The following PSG2 variants were observed in gnomAD, a reference collection of about 807,000 sequenced individuals.
The protein encoded by PSG2 is pregnancy-specific beta-1-glycoprotein 2.
PSG2 carries 49 observed loss-of-function variants against 36.2 expected under a neutral mutation model. That is an observed-to-expected ratio of 1.35 (90% CI 1.08 to 1.72). The LOEUF (loss-of-function observed/expected upper bound fraction) is 1.72. PSG2 is among the 40% of genes most tolerant of loss of function. PSG2 has a pLI of 0.00. For missense variants in PSG2, 605 were observed against 407.2 expected, an observed-to-expected ratio of 1.49 and a Z score of -4.18; for synonymous variants, 261 against 155.6, an observed-to-expected ratio of 1.68 and a Z score of -5.04.
Position 43,073,735 on chromosome 19 carries a change from T to G in PSG2, c.709+1619A>C, listed in dbSNP as rs551433096. Among the ~76,000 whole-genome samples the G allele has an allele frequency of 2.2e-3, 327 of 151,432 alleles. 8 individuals are homozygous for G. Among genetic ancestry groups the G allele is most frequent in the African/African-American group, 7.5e-3 (309 of 40,970 alleles). On this transcript the variant is annotated intron_variant, in intron 3 of 5. Coordinates refer to ENST00000406487, the MANE Select transcript of PSG2 (RefSeq NM_031246.4). ...AGTTTCAGTTATGCAAGGTAGGGAGTTTCTAGAGATCTGCTGTAGAGCTTG... is the reference window on the plus strand; with the variant it reads ...AGTTTCAGTTATGCAAGGTAGGGAGGTTCTAGAGATCTGCTGTAGAGCTTG...
chr19:43,067,356 C>G lies in PSG2; in HGVS notation c.965-756G>C, dbSNP rs536641631. Among the ~76,000 whole-genome samples the G allele has an allele frequency of 6.7e-4, 102 of 151,256 alleles. 2 individuals carry two copies. Among genetic ancestry groups the G allele is most frequent in the Non-Finnish European group, 1.2e-3 (79 of 67,910 alleles). On this transcript the variant is annotated intron_variant, in intron 4 of 5. Coordinates refer to ENST00000406487, the MANE Select transcript of PSG2 (RefSeq NM_031246.4). ...ATCTCAGTTGGTAAATACTAACATACCAGGCTTGATTCTTTGCCCTTAGCT... is the reference window on the plus strand; with the variant it reads ...ATCTCAGTTGGTAAATACTAACATAGCAGGCTTGATTCTTTGCCCTTAGCT...
rs536986825 is a variant in PSG2 at position 43,079,549 on chromosome 19, A to G, written c.430+1332T>C. Among the ~76,000 whole-genome samples, 117 of 151,578 alleles carry G rather than the reference A, an allele frequency of 7.7e-4. 2 individuals carry two copies. The highest frequency in any genetic ancestry group is 4.2e-3 in the East Asian group (22 of 5,182). ...TGTGTCTCTCACTGGGCCTGTGCTG[A>G]TGCAGGGTGTGAGTGGGGAAAGAAA... On this transcript the variant is annotated intron_variant, in intron 2 of 5. Transcript: ENST00000406487.
intron 4 of PSG2, among the ~76,000 whole-genome samples, chr19:43,071,044 G>T (rs938109446): frequency 6.6e-6 from 1 of 151,590 alleles, no homozygotes. Context: ...TTAGGAGTCT[G>T]CCCTGAGGCT....
intron 3 of PSG2, among the ~76,000 whole-genome samples, chr19:43,074,212 A>C (rs1223073857): frequency 6.6e-6 from 1 of 151,522 alleles, no homozygotes; most frequent in Non-Finnish European, 1.5e-5. Flanking sequence ...TTTAGGACGG[A>C]GTTTTCTAAT....
chr19:43,065,946 G>A (rs141805699), intron 5 of PSG2: 1,850 of 153,932 alleles, frequency 0.012, 84 homozygotes, highest in African/African-American at 0.039. Flanking sequence ...GGGTGAAGGG[G>A]CAGGGATGTG....
intron 3 of PSG2, among the ~76,000 whole-genome samples, chr19:43,073,656 G>C (rs1967850819): frequency 6.6e-6 from 1 of 151,680 alleles, no homozygotes; most frequent in African/African-American, 2.4e-5. Flanking sequence ...AGAAGAGACT[G>C]CTGGTTGCCA....
In PSG2 at chr19:43,071,702, G is replaced by C; in HGVS notation, c.962C>G (p.Ser321Cys). ...CAAGGATGCTGGGATCCACTTACCA[G>C]AGACTTTGACTGTCAACGATGTGGA... Reference protein sequence around the residue: ...ESSTSLTVKVSASTRIGLLPL... With the variant: ...ESSTSLTVKVCASTRIGLLPL... Residue 321 changes from serine (S) to cysteine (C), a missense_variant and splice_region_variant, in exon 4 of 6, where the codon TCT (serine) becomes TGT (cysteine). Transcript: ENST00000406487. The C allele has an allele frequency of 6.2e-7, 1 of 1,612,946 alleles. No homozygotes were observed. The highest frequency in any genetic ancestry group is 8.5e-7 in the Non-Finnish European group (1 of 1,179,474).
chr19:43,076,953 G>C (rs891624600), intron 2 of PSG2, among the ~76,000 whole-genome samples: 1 of 141,990 alleles, frequency 7.0e-6, no homozygotes, highest in Admixed American at 6.7e-5. Context: ...GAAGGGTTGA[G>C]TTTTGAGCAT....
intron 3 of PSG2, among the ~76,000 whole-genome samples, chr19:43,074,672 T>C (rs1967865589): frequency 1.3e-5 from 2 of 151,716 alleles, no homozygotes; most frequent in Admixed American, 6.6e-5. Flanking sequence ...CTGGAAAACA[T>C]ATTGCCAATG....
intron 4 of PSG2, among the ~76,000 whole-genome samples, chr19:43,066,969 G>T (rs1347001621): frequency 6.6e-6 from 1 of 151,312 alleles, no homozygotes; most frequent in Admixed American, 6.6e-5. Context: ...GACTCTGTCA[G>T]GTCTCCATGG....
At position 43,080,857 on chromosome 19, in the gene PSG2, C is replaced by A. The variant is rs534644239; in HGVS notation, c.430+24G>T. 4.4e-5 allele frequency: 71 copies of A among 1,611,886 alleles called. 1 individual carries two copies. The highest frequency in any genetic ancestry group is 2.5e-6 in the Non-Finnish European group (3 of 1,178,990). ...GAAATGACCCCTGTCCCCCAACACC[C>A]AGGGATCATGTGGAATCACTTACGG... On this transcript the variant is annotated intron_variant, in intron 2 of 5. Coordinates refer to ENST00000406487, the MANE Select transcript of PSG2 (RefSeq NM_031246.4).
rs541632343 is a variant in PSG2, at chr19:43,070,961, G to A, written c.964+739C>T. Among the ~76,000 whole-genome samples the A allele has an allele frequency of 4.3e-4, 65 of 151,762 alleles. 4 individuals carry two copies. The highest frequency in any genetic ancestry group is 6.8e-3 in the Middle Eastern group (2 of 294). On this transcript the variant is annotated intron_variant, in intron 4 of 5. Transcript: ENST00000406487. Reference sequence around the variant, plus strand: ...TTTCTCTAGCTCTGCATCAGTCACAGTCCTCCATGCTGTGTCCCACGTACT... The same window carrying A: ...TTTCTCTAGCTCTGCATCAGTCACAATCCTCCATGCTGTGTCCCACGTACT...
In PSG2 at chr19:43,067,389, T is replaced by C. The variant is rs1967754656; in HGVS notation, c.965-789A>G. Among the ~76,000 whole-genome samples, 4 of 151,214 alleles carry C rather than the reference T, an allele frequency of 2.6e-5. 1 individual carries two copies. The highest frequency in any genetic ancestry group is 4.2e-4 in the South Asian group (2 of 4,798). On this transcript the variant is annotated intron_variant, in intron 4 of 5. Coordinates refer to ENST00000406487, the MANE Select transcript of PSG2 (RefSeq NM_031246.4). ...GATTCTTTGCCCTTAGCTTTTTTTC[T>C]TTCTCTCCCACAAGCAGTCAGTAAC...
chr19:43,071,446 A>C (rs1275710041), intron 4 of PSG2, among the ~76,000 whole-genome samples: 1 of 151,678 alleles, frequency 6.6e-6, no homozygotes, highest in Non-Finnish European at 1.5e-5. Flanking sequence ...CTCTTCTACC[A>C]CATAGGGCTC....
intron 3 of PSG2, among the ~76,000 whole-genome samples, chr19:43,073,225 T>G (rs1029590649): frequency 2.6e-5 from 4 of 151,790 alleles, no homozygotes; most frequent in Non-Finnish European, 4.4e-5. Context: ...GTGGGGCAGC[T>G]TTTTGCAGGT....
chr19:43,076,753 C>T (rs1967902086), intron 2 of PSG2, among the ~76,000 whole-genome samples: 1 of 151,690 alleles, frequency 6.6e-6, no homozygotes, highest in South Asian at 2.1e-4. Flanking sequence ...CCTGTACAGC[C>T]TCGTGCCTAT....
rs1058106 is a variant in PSG2 at position 43,071,809 on chromosome 19, A to C, written c.855T>G (p.Asn285Lys). 49 of 1,612,920 alleles carry C rather than the reference A, an allele frequency of 3.0e-5. No individual in the cohort carries two copies. The highest frequency in any genetic ancestry group is 1.6e-4 in the Middle Eastern group (1 of 6,082). Residue 285 changes from asparagine to lysine, a missense_variant, in exon 4 of 6, where the codon AAT (asparagine) becomes AAG (lysine). Physicochemically the swap from Asn to Lys is moderately conservative, Grantham distance 94. Coordinates refer to ENST00000406487, the MANE Select transcript of PSG2 (RefSeq NM_031246.4). ...TTGTAGTAATTTGGGGGATAAACAG[A>C]TTTTGTCCTGATTGCTGAAACTTCC... ...INGKFQQSGQ[N>K]LFIPQITTKH...
At chr19:43,067,206 C>T (rs750091869) in intron 4 of PSG2, among the ~76,000 whole-genome samples, 4 of 151,396 alleles carry the variant, frequency 2.6e-5, no homozygotes, top group Non-Finnish European at 4.4e-5. Context: ...CTTTGTTTTT[C>T]ATAGGAATCA....
At chr19:43,075,985 G>A (rs1445634283) in intron 2 of PSG2, among the ~76,000 whole-genome samples, 1 of 151,576 alleles carries the variant, frequency 6.6e-6, no homozygotes, top group Non-Finnish European at 1.5e-5. Flanking sequence ...AGCATGCAGT[G>A]CTGGAATCTT....
Sources: gnomAD v4.1 joint callset for allele counts (sites outside exome capture counted in the v4.1 genomes callset) on GRCh38, gnomAD v4.1.1 for gene constraint, MANE v1.5 for transcripts, NCBI Gene and HGNC (gene_info 2026-07-23, HGNC 2026-07-21) for gene names.